UNC80: variants seen among roughly 807,000 people sequenced by gnomAD.
UNC80 encodes unc-80 subunit of NALCN channel complex.
A neutral mutation model predicts 384.6 loss-of-function variants in UNC80; 164 were observed. The ratio of observed to expected loss-of-function variants is 0.43; its 90% CI spans 0.38 to 0.49. UNC80 has a LOEUF of 0.49. Among genes scored for constraint, UNC80 ranks in the 20% least tolerant of loss-of-function variants. The pLI, the probability that UNC80 is intolerant of heterozygous loss-of-function variation, is 0.00. For synonymous variants in UNC80, 1,486 were observed against 1,527.8 expected (o/e 0.97, Z 0.64); for missense variants, 3,330 against 4,143.0 (o/e 0.80, Z 5.39).
chr2:209,778,323 C>A (rs2076976908), intron 4 of UNC80, among the ~76,000 whole-genome samples: 1 of 152,160 alleles, frequency 6.6e-6, no homozygotes, highest in African/African-American at 2.4e-5. Context: ...TCTCTTGAAC[C>A]TGGGAGGCAC....
At chr2:209,966,028 C>G (rs2092732853) in intron 51 of UNC80, among the ~76,000 whole-genome samples, 1 of 152,084 alleles carries the variant, frequency 6.6e-6, no homozygotes, top group African/African-American at 2.4e-5. Context: ...ATGGCTGCCC[C>G]TGCTGATGCC....
chr2:209,978,684 C>T lies in UNC80; in HGVS notation c.9094C>T (p.Arg3032Trp), dbSNP rs1265367593. 62 of 1,545,874 alleles carry T rather than the reference C, an allele frequency of 4.0e-5. No individual in the cohort carries two copies. The East Asian group carries it at 1.2e-3, about 31-fold the overall frequency. ...SQQASQDTLS[R>W]TDEEDEENDS... is the part of the protein sequence containing the mutation. ...GCAGGCTTCGCAGGACACCCTGAGTCGGACTGATGAGGAAGATGAGGAAAG... is the reference window on the plus strand; with the variant it reads ...GCAGGCTTCGCAGGACACCCTGAGTTGGACTGATGAGGAAGATGAGGAAAG... Residue 3032 changes from arginine (R) to tryptophan (W), a missense_variant, in exon 59 of 65, where the codon CGG (arginine) becomes TGG (tryptophan). Coordinates refer to ENST00000673920, the MANE Select transcript of UNC80 (RefSeq NM_001371986.1).
At chr2:209,907,211 G>T (rs941362923) in intron 29 of UNC80, among the ~76,000 whole-genome samples, 2 of 149,298 alleles carry the variant, frequency 1.3e-5, no homozygotes, top group East Asian at 2.0e-4. Context: ...CAGCCAGCCA[G>T]CCGTTCATCT....
intron 62 of UNC80, 50 bp downstream of exon 62, chr2:209,992,297 CTG>C: frequency 6.6e-7 from 1 of 1,514,334 alleles, no homozygotes; most frequent in African/African-American, 1.4e-5. Flanking sequence ...ATTGGAAGCT[CTG>C]TGTGATTTTT....
intron 21 of UNC80, among the ~76,000 whole-genome samples, chr2:209,844,369 A>ATTCC (rs906400730): frequency 2.6e-5 from 4 of 151,542 alleles, no homozygotes; most frequent in African/African-American, 4.8e-5. Flanking sequence ...TTTTTTCAAA[A>ATTCC]TTCCTTCCTT....
intron 51 of UNC80, among the ~76,000 whole-genome samples, chr2:209,967,123 C>T (rs923702543): frequency 1.3e-5 from 2 of 152,100 alleles, no homozygotes; most frequent in Non-Finnish European, 2.9e-5. Flanking sequence ...TATACACATG[C>T]ACATTCTCAG....
chr2:209,857,569 A>G (rs1242874489), intron 22 of UNC80, among the ~76,000 whole-genome samples: 1 of 151,990 alleles, frequency 6.6e-6, no homozygotes, highest in Non-Finnish European at 1.5e-5. Flanking sequence ...CTAATTTATT[A>G]ATGCTTGCTC....
chr2:209,868,867 G>A (rs750389680), intron 22 of UNC80, among the ~76,000 whole-genome samples: 3 of 152,116 alleles, frequency 2.0e-5, no homozygotes, highest in South Asian at 2.1e-4. Context: ...AGTTAAAATC[G>A]ATTCTTGCTT....
At chr2:209,860,879 G>T (rs2083296057) in intron 22 of UNC80, among the ~76,000 whole-genome samples, 1 of 152,148 alleles carries the variant, frequency 6.6e-6, no homozygotes, top group Non-Finnish European at 1.5e-5. Context: ...GAATGTTTGT[G>T]ATTTTTGCAC....
chr2:209,837,911 A>G (rs2081444700), intron 18 of UNC80, among the ~76,000 whole-genome samples: 1 of 151,812 alleles, frequency 6.6e-6, no homozygotes, highest in African/African-American at 2.4e-5. Flanking sequence ...AGCTGGGACT[A>G]CAGGCGCCCG....
At chr2:209,860,614 A>G (rs1231417234) in intron 22 of UNC80, among the ~76,000 whole-genome samples, 2 of 152,210 alleles carry the variant, frequency 1.3e-5, no homozygotes, top group Non-Finnish European at 2.9e-5. Flanking sequence ...TGGGAATAGC[A>G]TTGAATCTAT....
chr2:209,806,239 A>C (rs1254025798), intron 7 of UNC80, among the ~76,000 whole-genome samples: 4 of 152,208 alleles, frequency 2.6e-5, no homozygotes, highest in Non-Finnish European at 5.9e-5. Flanking sequence ...AAATATAGAC[A>C]TGTAGACAGT....
intron 40 of UNC80, 149 bp from the exon 41 acceptor site, chr2:209,936,695 G>A (rs763726592): frequency 3.9e-5 from 24 of 610,862 alleles, no homozygotes; most frequent in Non-Finnish European, 5.0e-5. Flanking sequence ...CATATCTAAC[G>A]TATACAGTTT....
At chr2:209,984,144 C>G (rs900985029) in intron 60 of UNC80, among the ~76,000 whole-genome samples, 10 of 152,230 alleles carry the variant, frequency 6.6e-5, no homozygotes, top group Admixed American at 2.6e-4. Context: ...CAGCTACATA[C>G]ATATCAATCA....
intron 16 of UNC80, among the ~76,000 whole-genome samples, chr2:209,833,595 G>A (rs1345275673): frequency 2.0e-5 from 3 of 152,184 alleles, no homozygotes; most frequent in Admixed American, 6.5e-5. Flanking sequence ...ATTTGGAGAA[G>A]CTGAACAGGG....
chr2:209,864,674 G>C (rs2083583605), intron 22 of UNC80, among the ~76,000 whole-genome samples: 1 of 152,338 alleles, frequency 6.6e-6, no homozygotes. Context: ...GGGCTGTGGG[G>C]GACTTGTCTT....
intron 13 of UNC80, among the ~76,000 whole-genome samples, chr2:209,825,703 C>T (rs1245804305): frequency 6.6e-6 from 1 of 152,092 alleles, no homozygotes; most frequent in Admixed American, 6.6e-5. Flanking sequence ...GTTCAAAATA[C>T]GTAGATTTTT....
chr2:209,994,291 G>A (rs1392403950), intron 64 of UNC80, 27 bp downstream of exon 64: 4 of 1,529,726 alleles, frequency 2.6e-6, no homozygotes, highest in Non-Finnish European at 3.5e-6. Context: ...AACAGGCAAG[G>A]CTTGCTCCCT....
Position 209,954,113 on chromosome 2 carries a change from A to C in UNC80, c.7300A>C (p.Met2434Leu). The C allele has an allele frequency of 1.9e-6, 3 of 1,547,560 alleles. No homozygotes were observed. The highest frequency in any genetic ancestry group is 1.7e-6 in the Non-Finnish European group (2 of 1,146,022). ...TGTCGCTTAAAGTCTTCAGATGCTG[A>C]TGGTCTTAGAAGCCTTAGTTCCATG... ...PESFRSLQML[M>L]VLEALVPCYL... is the part of the protein sequence containing the mutation. Residue 2434 changes from methionine to leucine, a missense_variant, in exon 48 of 65, where the codon ATG (methionine) becomes CTG (leucine). Transcript: ENST00000673920.
Sources: gnomAD v4.1 joint callset for allele counts (sites outside exome capture counted in the v4.1 genomes callset) on GRCh38, gnomAD v4.1.1 for gene constraint, MANE v1.5 for transcripts, NCBI Gene and HGNC (gene_info 2026-07-23, HGNC 2026-07-21) for gene names.